The following MDN1 variants were observed in gnomAD, a reference collection of about 807,000 sequenced individuals.
MDN1 encodes midasin AAA ATPase 1, also known as midasin.
Under a neutral mutation model 669.2 loss-of-function variants are expected in MDN1, and 266 were observed. The observed-to-expected ratio is 0.40, with a 90% confidence interval of 0.36 to 0.44. MDN1 has a LOEUF of 0.44. MDN1 is among the 20% of genes least tolerant of loss of function. The pLI is 1.00. For synonymous variants in MDN1, 2,385 were observed against 2,457.1 expected (o/e 0.97, Z 0.87); for missense variants, 5,940 against 6,754.0 (o/e 0.88, Z 4.22).
At chr6:89,661,381 T>C (rs745716608) in intron 88 of MDN1, 50 bp downstream of exon 88, 18 of 1,569,444 alleles carry the variant, frequency 1.1e-5, no homozygotes, top group East Asian at 2.3e-5. Context: ...AATCAATTAC[T>C]GTTCACTAAT....
intron 50 of MDN1, among the ~76,000 whole-genome samples, chr6:89,710,264 T>G (rs528346568): frequency 1.3e-4 from 20 of 152,182 alleles, no homozygotes; most frequent in Admixed American, 5.9e-4. Flanking sequence ...GAGCCAAAAA[T>G]CTACCAAGCC....
At position 89,680,615 on chromosome 6, in the gene MDN1, A is replaced by C. The variant is rs1562079425; in HGVS notation, c.12239T>G (p.Leu4080Arg). The C allele has an allele frequency of 6.2e-7, 1 of 1,614,174 alleles. No homozygotes were observed. Among genetic ancestry groups the C allele is most frequent in the Non-Finnish European group, 8.5e-7 (1 of 1,180,014 alleles). Reference sequence around the variant, plus strand: ...TGTGAACTGATCAAGGCCCTCCACAAGGCGAGGCAGGGGGCTCTCCTTCAT... The same window carrying C: ...TGTGAACTGATCAAGGCCCTCCACACGGCGAGGCAGGGGGCTCTCCTTCAT... Reference protein sequence around the residue: ...TFMKESPLPRLVEGLDQFTGE... With the variant: ...TFMKESPLPRRVEGLDQFTGE... The change falls in exon 74 of 102, where the codon CTT becomes CGT. Residue 4080 changes from leucine (L) to arginine (R), a missense_variant. Leu to Arg is a moderately radical substitution (Grantham distance 102). Coordinates refer to ENST00000369393, the MANE Select transcript of MDN1 (RefSeq NM_014611.3).
chr6:89,658,603 A>T lies in MDN1; in HGVS notation c.15021+7T>A. 6.2e-7 allele frequency: 1 copy of T among 1,601,100 alleles called. No individual in the cohort carries two copies. Among genetic ancestry groups the T allele is most frequent in the Non-Finnish European group, 8.5e-7 (1 of 1,171,368 alleles). ...TTTAACATAAAAAGCCAGACATCTC[A>T]TGATACCTGGGGCTGGAAACCTTGG... On this transcript the variant is annotated splice_region_variant and intron_variant, in intron 89 of 101. Coordinates refer to ENST00000369393, the MANE Select transcript of MDN1 (RefSeq NM_014611.3).
In MDN1 at chr6:89,683,213, T is replaced by A. The variant is rs1811763449; in HGVS notation, c.12021A>T (p.Gly4007=). Reference sequence around the variant, plus strand: ...GAATGGAAGACAGTTCACTTGCAGCTCCATCTGTTGGCCTGGGCAAAAAGT... The same window carrying A: ...GAATGGAAGACAGTTCACTTGCAGCACCATCTGTTGGCCTGGGCAAAAAGT... ...QPDFLPRPTD[G]AASELSSIQN... The change falls in exon 73 of 102, where the codon GGA becomes GGT. Residue 4007 remains glycine, a synonymous_variant. Transcript: ENST00000369393. 6.2e-7 allele frequency: 1 copy of A among 1,613,982 alleles called. No individual in the cohort carries two copies. The highest frequency in any genetic ancestry group is 8.5e-7 in the Non-Finnish European group (1 of 1,180,018).
intron 70 of MDN1, among the ~76,000 whole-genome samples, 157 bp downstream of exon 70, chr6:89,685,670 G>A (rs1811955187): frequency 6.6e-6 from 1 of 152,198 alleles, no homozygotes; most frequent in Non-Finnish European, 1.5e-5. Context: ...CACTTTGAAT[G>A]TTCTTCTCTA....
chr6:89,692,984 C>T lies in MDN1; in HGVS notation c.10046G>A (p.Arg3349Gln), dbSNP rs747193254. Residue 3349 changes from arginine (R) to glutamine (Q), a missense_variant, in exon 63 of 102, where the codon CGG becomes CAG. Around this residue, in one of 5 missense-constraint regions of MDN1, gnomAD observed 150 missense variants for 234.2 expected, o/e 0.64. Transcript: ENST00000369393. ...ATCTATGTGGAGGGCCTGCAGAAGC[C>T]GTGTGAGCAGATCCTGAACAGCAGG... is the stretch of plus-strand genomic sequence containing the variant. ...KAPAVQDLLT[R>Q]LLQALHIDGP... 8 of 1,613,994 alleles carry T rather than the reference C, an allele frequency of 5.0e-6. No individual in the cohort carries two copies. The highest frequency in any genetic ancestry group is 1.1e-5 in the South Asian group (1 of 91,066).
intron 8 of MDN1, among the ~76,000 whole-genome samples, chr6:89,787,390 C>G (rs554277218): frequency 3.9e-5 from 6 of 152,298 alleles, no homozygotes; most frequent in Non-Finnish European, 8.8e-5. Context: ...TGCCTGAAAT[C>G]TACCTATCAT....
intron 6 of MDN1, 73 bp from the exon 7 acceptor site, chr6:89,789,984 G>A: frequency 6.3e-7 from 1 of 1,590,052 alleles, no homozygotes; most frequent in East Asian, 2.2e-5. Context: ...TTGATTAACT[G>A]TTAATCTTCT....
In MDN1 at chr6:89,689,899, G is replaced by A. The variant is rs199792026; in HGVS notation, c.10994C>T (p.Ser3665Leu). Residue 3665 changes from serine (S) to leucine (L), a missense_variant, in exon 65 of 102, where the codon TCG becomes TTG. This residue lies in a region of MDN1 where 2,280 missense variants were observed against 2,576.3 expected (regional missense o/e 0.88). Coordinates refer to ENST00000369393, the MANE Select transcript of MDN1 (RefSeq NM_014611.3). ...CAGGGGGTAGAAGTGTGTCACAAGC[G>A]ATGCCCCAGTCTGATAGCAAGACAG... is the stretch of plus-strand genomic sequence containing the variant. Reference protein sequence around the residue: ...LFLSCYQTGASLVTHFYPLMG... With the variant: ...LFLSCYQTGALLVTHFYPLMG... 43 of 1,614,034 alleles carry A rather than the reference G, an allele frequency of 2.7e-5. No homozygotes were observed. Among genetic ancestry groups the A allele is most frequent in the African/African-American group, 4.0e-5 (3 of 74,904 alleles).
At chr6:89,719,778 C>G (rs2128313326) in intron 40 of MDN1, among the ~76,000 whole-genome samples, 1 of 152,332 alleles carries the variant, frequency 6.6e-6, no homozygotes, top group East Asian at 1.9e-4. Context: ...GATTTTAAAT[C>G]TAAGCCAGTC....
At position 89,680,769 on chromosome 6, in the gene MDN1, G is replaced by C; in HGVS notation, c.12103-18C>G. 6.2e-7 allele frequency: 1 copy of C among 1,608,798 alleles called. No individual in the cohort carries two copies. On this transcript the variant is annotated intron_variant, in intron 73 of 101. Coordinates refer to ENST00000369393, the MANE Select transcript of MDN1 (RefSeq NM_014611.3). Reference sequence around the variant, plus strand: ...ATTGTGGCCTGTGAGACAAAAGACAGGTTAGCCTCACTGCCAAGAATGACA... The same window carrying C: ...ATTGTGGCCTGTGAGACAAAAGACACGTTAGCCTCACTGCCAAGAATGACA...
intron 15 of MDN1, 81 bp from the exon 16 acceptor site, chr6:89,762,611 T>C (rs1817612668): frequency 2.0e-6 from 2 of 989,236 alleles, no homozygotes; most frequent in African/African-American, 1.6e-5. Context: ...AAAACAGGAG[T>C]AGGTCTCAGA....
intron 11 of MDN1, among the ~76,000 whole-genome samples, chr6:89,779,978 A>G (rs1262206561): frequency 6.6e-6 from 1 of 152,078 alleles, no homozygotes; most frequent in Non-Finnish European, 1.5e-5. Flanking sequence ...AGGCAAGAGA[A>G]TCGCTTGAAC....
chr6:89,751,720 G>A, intron 22 of MDN1, 138 bp from the exon 23 acceptor site: 1 of 904,708 alleles, frequency 1.1e-6, no homozygotes, highest in Admixed American at 3.1e-5. Flanking sequence ...GATGAAATAT[G>A]AACATAAAAT....
In MDN1 at chr6:89,696,526, C is replaced by T; in HGVS notation, c.9217G>A (p.Val3073Ile). The T allele has an allele frequency of 6.2e-7, 1 of 1,614,196 alleles. No homozygotes were observed. Among genetic ancestry groups the T allele is most frequent in the Non-Finnish European group, 8.5e-7 (1 of 1,180,024 alleles). The change falls in exon 60 of 102, where the codon GTC becomes ATC. Residue 3073 changes from valine to isoleucine, a missense_variant. Physicochemically the swap from Val to Ile is conservative, Grantham distance 29. This residue lies in a region of MDN1 where 2,292 missense variants were observed against 2,638.3 expected (regional missense o/e 0.87). Transcript: ENST00000369393. ...CTTGCTCTCCAGCTGCTGGTTAAGA[C>T]TTCAAAGCAGCACTTAGAGAATATG... Reference protein sequence around the residue: ...RPIFSKCCFEVLTSSWRASPW... With the variant: ...RPIFSKCCFEILTSSWRASPW...
chr6:89,674,542 G>C lies in MDN1; in HGVS notation c.12809C>G (p.Pro4270Arg), dbSNP rs762739306. ...GGGGAAGGCCACGGGGTAGGCCTGG[G>C]GCCCCATCAGCCTGCTGTGAATCTC... is the stretch of plus-strand genomic sequence containing the variant. ...VQEIHSRLMG[P>R]QAYPVAFPPQ... Residue 4270 changes from proline (P) to arginine (R), a missense_variant, in exon 79 of 102, where the codon CCC becomes CGC. Physicochemically the swap from Pro to Arg is moderately radical, Grantham distance 103. Coordinates refer to ENST00000369393, the MANE Select transcript of MDN1 (RefSeq NM_014611.3). 1.6e-5 allele frequency: 25 copies of C among 1,598,070 alleles called. No homozygotes were observed. Among genetic ancestry groups the C allele is most frequent in the Non-Finnish European group, 2.1e-5 (25 of 1,176,528 alleles).
chr6:89,818,120 C>G (rs896294356), intron 1 of MDN1, among the ~76,000 whole-genome samples: 1 of 151,344 alleles, frequency 6.6e-6, no homozygotes, highest in Non-Finnish European at 1.5e-5. Flanking sequence ...GGGTTTGAGA[C>G]CAGCCTGACC....
chr6:89,807,218 C>T (rs1366867033), intron 1 of MDN1, among the ~76,000 whole-genome samples: 1 of 152,102 alleles, frequency 6.6e-6, no homozygotes, highest in East Asian at 1.9e-4. Context: ...TGCCAAGTAG[C>T]TGGGACTACA....
chr6:89,655,956 T>C lies in MDN1; in HGVS notation c.15298A>G (p.Lys5100Glu). 6.2e-7 allele frequency: 1 copy of C among 1,613,730 alleles called. No individual in the cohort carries two copies. Among genetic ancestry groups the C allele is most frequent in the Non-Finnish European group, 8.5e-7 (1 of 1,179,994 alleles). The change falls in exon 92 of 102, where the codon AAA (lysine) becomes GAA (glutamate). Residue 5100 changes from lysine to glutamate, a missense_variant. By Grantham distance (56) the Lys-to-Glu change is moderately conservative. Coordinates refer to ENST00000369393, the MANE Select transcript of MDN1 (RefSeq NM_014611.3). ...CGTTCATTGTCAGCCTGCCCAGGTT[T>C]CCTCTTAAAACTCTGAGAAATACAA... ...TRKNTQSFKRKPGQADNERSM... is the reference protein window; with the variant it reads ...TRKNTQSFKREPGQADNERSM...
Sources: gnomAD v4.1 joint callset for allele counts (sites outside exome capture counted in the v4.1 genomes callset) on GRCh38, gnomAD v4.1.1 for gene constraint, gnomAD v4.1.1 regional missense constraint, MANE v1.5 for transcripts, NCBI Gene and HGNC (gene_info 2026-07-23, HGNC 2026-07-21) for gene names.